Variants in REEP5 observed in about 807,000 individuals in gnomAD.
The protein encoded by REEP5 is receptor expression-enhancing protein 5.
REEP5 carries 24 observed loss-of-function variants against 22.4 expected under a neutral mutation model. The observed-to-expected ratio is 1.07, with a 90% CI of 0.78 to 1.51. The LOEUF (loss-of-function observed/expected upper bound fraction) is 1.51, where lower values mean the gene tolerates loss of function less well. Ranked by LOEUF, REEP5 falls within the 40% of genes most tolerant of loss-of-function variation. REEP5 has a pLI of 0.00. For synonymous variants in REEP5, 103 were observed against 88.6 expected, an observed-to-expected ratio of 1.16 and a Z score of -0.92; for missense variants, 252 against 233.0, an observed-to-expected ratio of 1.08 and a Z score of -0.53.
chr5:112,878,866 A>G (rs765162340), intron 4 of REEP5, 31 bp from the exon 5 acceptor site: 17 of 1,613,826 alleles, frequency 1.1e-5, no homozygotes, highest in Middle Eastern at 1.6e-4. Context: ...AAAGAAAAAT[A>G]TATCAAAGCT....
intron 3 of REEP5, chr5:112,897,285 T>C (rs893417811): frequency 5.3e-5 from 8 of 151,506 alleles, no homozygotes; most frequent in Non-Finnish European, 1.0e-4. Context: ...TTTTAAAAAA[T>C]AGGAAGACTA....
intron 2 of REEP5, among the ~76,000 whole-genome samples, chr5:112,916,672 A>T (rs1157810197): frequency 6.6e-6 from 1 of 152,168 alleles, no homozygotes; most frequent in Non-Finnish European, 1.5e-5. Context: ...ACATAAGGTG[A>T]TGTTGTGTTT....
chr5:112,915,877 A>AG (rs10645800), intron 2 of REEP5, among the ~76,000 whole-genome samples: 1,580 of 126,306 alleles, frequency 0.013, 26 homozygotes, highest in African/African-American at 0.049. Flanking sequence ...CATAATTACA[A>AG]TTTAAAAAAA....
At chr5:112,921,779 A>T in intron 1 of REEP5, 1 of 291,782 alleles carries the variant, frequency 3.4e-6, no homozygotes, top group African/African-American at 2.3e-5. Context: ...GCAGGACAGC[A>T]GGAATAGGGC....
At chr5:112,904,979 G>C (rs189130909) in intron 2 of REEP5, among the ~76,000 whole-genome samples, 1 of 151,966 alleles carries the variant, frequency 6.6e-6, no homozygotes, top group Non-Finnish European at 1.5e-5. Context: ...GAAAACCAAG[G>C]CATATGAAAG....
chr5:112,883,303 T>C (rs1768134177), intron 4 of REEP5, among the ~76,000 whole-genome samples: 1 of 152,190 alleles, frequency 6.6e-6, no homozygotes, highest in African/African-American at 2.4e-5. Flanking sequence ...ACAAAATCTG[T>C]GTTATCAAAA....
At chr5:112,895,237 C>CAAAAAAAAAAAAAAAAAAAAAA (rs10684553) in intron 3 of REEP5, 2 of 62,214 alleles carry the variant, frequency 3.2e-5, no homozygotes, top group African/African-American at 1.4e-4. Context: ...GACTCTGTCT[C>CAAAAAAAAAAAAAAAAAAAAAA]AAAAAAAAAA....
At chr5:112,894,715 G>C (rs1768625345) in intron 3 of REEP5, 1 of 152,116 alleles carries the variant, frequency 6.6e-6, no homozygotes, top group Non-Finnish European at 1.5e-5. Context: ...GTTATATATA[G>C]GTATTTTGCT....
intron 2 of REEP5, among the ~76,000 whole-genome samples, chr5:112,907,158 C>T (rs1768974482): frequency 1.3e-5 from 2 of 152,148 alleles, no homozygotes; most frequent in South Asian, 4.1e-4. Context: ...CACAGCTAAC[C>T]CCTAGAGGAG....
intron 3 of REEP5, among the ~76,000 whole-genome samples, chr5:112,888,904 AGG>A (rs1768345739): frequency 6.6e-6 from 1 of 150,812 alleles, no homozygotes. Context: ...TGGAAAGGAC[AGG>A]GTGAGAGATA....
intron 3 of REEP5, among the ~76,000 whole-genome samples, chr5:112,891,280 C>T (rs818423): frequency 0.4 from 61,362 of 151,688 alleles, 13,706 homozygotes; most frequent in African/African-American, 0.62. Flanking sequence ...GCCATGTTGG[C>T]CAGGCTGGTC....
intron 2 of REEP5, among the ~76,000 whole-genome samples, chr5:112,909,857 G>C (rs988660079): frequency 3.3e-5 from 5 of 152,212 alleles, no homozygotes; most frequent in African/African-American, 1.2e-4. Flanking sequence ...AGGTTGAGCA[G>C]AGATGATTCT....
chr5:112,921,851 G>A, intron 1 of REEP5: 2 of 435,672 alleles, frequency 4.6e-6, no homozygotes, highest in South Asian at 3.3e-5. Context: ...GCCCGGCGCC[G>A]CAGCTGCCCT....
At chr5:112,911,960 C>T (rs908360150) in intron 2 of REEP5, among the ~76,000 whole-genome samples, 1 of 152,016 alleles carries the variant, frequency 6.6e-6, no homozygotes, top group Non-Finnish European at 1.5e-5. Context: ...GAAGGTTTTT[C>T]CTTAAATCAA....
chr5:112,897,078 A>G (rs1003120297), intron 3 of REEP5: 1 of 152,212 alleles, frequency 6.6e-6, no homozygotes. Context: ...AACATTAGAT[A>G]GCTATGTCAA....
chr5:112,892,743 G>A (rs1372724479), intron 3 of REEP5: 2 of 1,614,096 alleles, frequency 1.2e-6, no homozygotes, highest in Admixed American at 3.3e-5. Flanking sequence ...ACTCCGAGAG[G>A]AGGGAGAAGA....
chr5:112,886,851 G>GT (rs1457447391), intron 4 of REEP5, among the ~76,000 whole-genome samples, 164 bp downstream of exon 4: 1 of 152,212 alleles, frequency 6.6e-6, no homozygotes, highest in Non-Finnish European at 1.5e-5. Context: ...GTCGAGAACT[G>GT]TAAGTGTTCT....
intron 3 of REEP5, chr5:112,895,261 A>G (rs1768648033): frequency 6.8e-6 from 1 of 146,714 alleles, no homozygotes; most frequent in Admixed American, 6.8e-5. Flanking sequence ...AAAAAAAATC[A>G]GGAGAGGTGG....
At chr5:112,921,137 G>C in intron 2 of REEP5, 26 bp downstream of exon 2, 1 of 1,608,184 alleles carries the variant, frequency 6.2e-7, no homozygotes, top group East Asian at 2.2e-5. Flanking sequence ...GAAGGGAAGG[G>C]GACGGCTGCA....
Sources: gnomAD v4.1 joint callset for allele counts (sites outside exome capture counted in the v4.1 genomes callset) on GRCh38, gnomAD v4.1.1 for gene constraint, MANE v1.5 for transcripts, NCBI Gene and HGNC (gene_info 2026-07-23, HGNC 2026-07-21) for gene names.